PLIN3: variants seen among roughly 807,000 people sequenced by gnomAD.
The protein encoded by PLIN3 is perilipin 3.
PLIN3 carries 30 observed loss-of-function variants against 35.9 expected under a neutral mutation model. That is an observed-to-expected ratio of 0.84 (90% confidence interval 0.62 to 1.13). The LOEUF (loss-of-function observed/expected upper bound fraction) is 1.13. PLIN3 is among the 50% of genes most tolerant of loss of function. The probability of loss-of-function intolerance (pLI) is 0.00; values close to 1 mark genes in which losing one functional copy is unlikely to be tolerated. For missense variants in PLIN3, 603 were observed against 596.9 expected (o/e 1.01, Z -0.11); for synonymous variants, 261 against 262.5 (o/e 0.99, Z 0.06).
chr19:4,846,967 G>A (rs2030119102), intron 6 of PLIN3, among the ~76,000 whole-genome samples: 1 of 148,614 alleles, frequency 6.7e-6, no homozygotes, highest in Non-Finnish European at 1.5e-5. Flanking sequence ...TCGGCTCACT[G>A]CAATCTCTGC....
chr19:4,851,971 G>A, intron 5 of PLIN3, 45 bp downstream of exon 5: 1 of 1,580,670 alleles, frequency 6.3e-7, no homozygotes, highest in South Asian at 1.1e-5. Flanking sequence ...TTCCGGTCAG[G>A]GGGCCTGGGG....
chr19:4,861,826 G>A (rs547288435), intron 1 of PLIN3, among the ~76,000 whole-genome samples: 13 of 151,242 alleles, frequency 8.6e-5, no homozygotes, highest in Non-Finnish European at 1.6e-4. Flanking sequence ...GTAGAGACGG[G>A]GTTTCACCAT....
chr19:4,854,351 T>G (rs2030401635), intron 4 of PLIN3, among the ~76,000 whole-genome samples: 1 of 152,064 alleles, frequency 6.6e-6, no homozygotes, highest in African/African-American at 2.4e-5. Context: ...CTTGTACTCA[T>G]GAGAGTTCAT....
rs913169253 is a variant in PLIN3 at position 4,861,498 on chromosome 19, G to A, written c.-17-87C>T. On this transcript the variant is annotated intron_variant, in intron 1 of 7. Transcript: ENST00000221957. ...GGCCCACGCTGCAGCTGGAAGACAGGGTTCACACCTGCCCATGACTTACAG... is the reference window on the plus strand; with the variant it reads ...GGCCCACGCTGCAGCTGGAAGACAGAGTTCACACCTGCCCATGACTTACAG... 4.6e-6 allele frequency: 4 copies of A among 864,936 alleles called. No individual in the cohort carries two copies. The African/African-American group carries it at 6.6e-5, about 14-fold the overall frequency. 53.6% of individuals were successfully genotyped at this position (864,936 alleles called of 1,614,324 possible). A position where few individuals can be genotyped will look rare whatever the true frequency, so the allele number is the denominator to read the frequency against.
chr19:4,855,726 C>T (rs2030452869), intron 4 of PLIN3, among the ~76,000 whole-genome samples: 1 of 152,008 alleles, frequency 6.6e-6, no homozygotes, highest in South Asian at 2.1e-4. Flanking sequence ...AGTTTGAGAC[C>T]AGCCTGGGCA....
intron 7 of PLIN3, among the ~76,000 whole-genome samples, chr19:4,844,033 G>C (rs916086910): frequency 2.0e-5 from 3 of 152,162 alleles, no homozygotes; most frequent in African/African-American, 7.2e-5. Context: ...GCAGTGGTGC[G>C]ATCTCGGCTC....
At position 4,861,425 on chromosome 19, in the gene PLIN3, AAC is replaced by A. The variant is rs778714677; in HGVS notation, c.-17-16_-17-15del. 6.3e-7 allele frequency: 1 copy of A among 1,597,344 alleles called. No individual in the cohort carries two copies. The highest frequency in any genetic ancestry group is 8.6e-7 in the Non-Finnish European group (1 of 1,169,552). On this transcript the variant is annotated splice_polypyrimidine_tract_variant and intron_variant, in intron 1 of 7. Transcript: ENST00000221957. ...CTGCAGCAGACGCTGAGGAGAGAGG[AAC>A]AGTCAGGTACAGCCTGCCTGGCCCC...
chr19:4,867,149 C>A (rs1183800023), intron 1 of PLIN3: 2 of 152,294 alleles, frequency 1.3e-5, no homozygotes, highest in African/African-American at 4.8e-5. Context: ...AACCCCCACC[C>A]CCACCCGTGG....
At chr19:4,858,093 T>G (rs1350215018) in intron 4 of PLIN3, among the ~76,000 whole-genome samples, 3 of 151,252 alleles carry the variant, frequency 2.0e-5, no homozygotes, top group Admixed American at 2.0e-4. Context: ...GCCAACTTGG[T>G]GAAACCCCGT....
intron 1 of PLIN3, among the ~76,000 whole-genome samples, chr19:4,865,061 G>A (rs956771699): frequency 2.6e-5 from 4 of 151,980 alleles, no homozygotes; most frequent in Non-Finnish European, 5.9e-5. Context: ...GTGTGGTGGC[G>A]GGCGCCTGTA....
rs1568380409 is a variant in PLIN3 at position 4,859,937 on chromosome 19, T to A, written c.154A>T (p.Ser52Cys). ...CAGACAGTCTTGATGTGCGGGTAGCTCTCCTTGGTGGAGGCATAGGCTGCG... is the reference window on the plus strand; with the variant it reads ...CAGACAGTCTTGATGTGCGGGTAGCACTCCTTGGTGGAGGCATAGGCTGCG... ...VSAAYASTKE[S>C]YPHIKTVCDA... Residue 52 changes from serine to cysteine, a missense_variant, in exon 3 of 8, where the codon AGC becomes TGC. Physicochemically the swap from Ser to Cys is moderately radical, Grantham distance 112. Coordinates refer to ENST00000221957, the MANE Select transcript of PLIN3 (RefSeq NM_005817.5). 1 of 1,614,010 alleles carries A rather than the reference T, an allele frequency of 6.2e-7. No homozygotes were observed. The highest frequency in any genetic ancestry group is 2.2e-5 in the East Asian group (1 of 44,874).
intron 6 of PLIN3, 59 bp downstream of exon 6, chr19:4,847,632 G>A (rs1167960198): frequency 7.1e-7 from 1 of 1,404,106 alleles, no homozygotes; most frequent in Non-Finnish European, 9.8e-7. Context: ...AGCTCTGGGT[G>A]GGTGTCTGCT....
At chr19:4,854,753 C>T (rs1404421000) in intron 4 of PLIN3, among the ~76,000 whole-genome samples, 2 of 151,976 alleles carry the variant, frequency 1.3e-5, no homozygotes, top group Non-Finnish European at 2.9e-5. Flanking sequence ...AAAGTTACCT[C>T]TTCACAAAGG....
At chr19:4,852,627 T>C (rs1246673737) in intron 4 of PLIN3, among the ~76,000 whole-genome samples, 2 of 152,006 alleles carry the variant, frequency 1.3e-5, no homozygotes, top group Non-Finnish European at 2.9e-5. Flanking sequence ...TACCTCCCTG[T>C]ACCTCATTTC....
At chr19:4,839,620 A>T in intron 7 of PLIN3, 84 bp from the exon 8 acceptor site, 1 of 1,072,632 alleles carries the variant, frequency 9.3e-7, no homozygotes, top group Non-Finnish European at 1.3e-6. Flanking sequence ...AGAGGGGAAG[A>T]GGGGTTCTAC....
chr19:4,852,031 TA>T lies in PLIN3; in HGVS notation c.618del (p.Thr207ArgfsTer70). 6.2e-7 allele frequency: 1 copy of T among 1,613,618 alleles called. No individual in the cohort carries two copies. The highest frequency in any genetic ancestry group is 8.5e-7 in the Non-Finnish European group (1 of 1,179,822). ...SEEWADNHLP[L>X]TDAELARIAT... ...CCACACTTACCCAGTTCGGCATCCG[TA>T]AGGGGCAGGTGGTTGTCCGCCCACT... On this transcript the variant is annotated frameshift_variant, in exon 5 of 8. Coordinates refer to ENST00000221957, the MANE Select transcript of PLIN3 (RefSeq NM_005817.5). LOFTEE classifies it high-confidence loss of function.
intron 1 of PLIN3, among the ~76,000 whole-genome samples, chr19:4,862,193 C>T (rs368387041): frequency 1.7e-4 from 26 of 150,414 alleles, no homozygotes; most frequent in African/African-American, 5.9e-4. Context: ...TGCAGTGGCA[C>T]GATCTCGGCT....
At chr19:4,863,146 G>C (rs1408074625) in intron 1 of PLIN3, among the ~76,000 whole-genome samples, 2 of 146,142 alleles carry the variant, frequency 1.4e-5, no homozygotes, top group South Asian at 4.4e-4. Flanking sequence ...AACAGAGTGA[G>C]ACTCCGTCTC....
At chr19:4,863,813 G>GC (rs1034770211) in intron 1 of PLIN3, among the ~76,000 whole-genome samples, 12 of 148,088 alleles carry the variant, frequency 8.1e-5, no homozygotes, top group African/African-American at 2.5e-4. Flanking sequence ...GGGTGACAGA[G>GC]CGAGACTCCA....
Sources: gnomAD v4.1 joint callset for allele counts (sites outside exome capture counted in the v4.1 genomes callset) on GRCh38, gnomAD v4.1.1 for gene constraint, MANE v1.5 for transcripts, NCBI Gene and HGNC (gene_info 2026-07-23, HGNC 2026-07-21) for gene names.